CAMK1D: variants seen among roughly 807,000 people sequenced by gnomAD.
CAMK1D encodes the protein calcium/calmodulin-dependent protein kinase type 1D.
A neutral mutation model predicts 47.7 loss-of-function variants in CAMK1D; 9 were observed. The observed-to-expected ratio is 0.19, with a 90% CI of 0.11 to 0.33. The LOEUF is 0.33. Ranked by LOEUF, CAMK1D falls within the 10% of genes least tolerant of loss-of-function variation. The probability of loss-of-function intolerance (pLI) is 1.00; values close to 1 mark genes in which losing one functional copy is unlikely to be tolerated. For missense variants in CAMK1D, 291 were observed against 488.7 expected (o/e 0.60, Z 3.81); for synonymous variants, 184 against 184.9 (o/e 0.99, Z 0.04).
chr10:12,666,846 A>C (rs991434897), intron 3 of CAMK1D, 36 bp downstream of exon 3: 2 of 1,502,662 alleles, frequency 1.3e-6, no homozygotes, highest in African/African-American at 2.8e-5. Context: ...TTTTGAACCA[A>C]CTTGCAAACT....
At chr10:12,734,362 A>C (rs1244751046) in intron 3 of CAMK1D, among the ~76,000 whole-genome samples, 2 of 12,114 alleles carry the variant, frequency 1.7e-4, no homozygotes, top group African/African-American at 5.0e-4. Flanking sequence ...ATATATATAT[A>C]TATATATATA....
At chr10:12,424,447 G>GAC (rs1175632217) in intron 1 of CAMK1D, among the ~76,000 whole-genome samples, 1 of 151,744 alleles carries the variant, frequency 6.6e-6, no homozygotes, top group Non-Finnish European at 1.5e-5. Context: ...TAAATCTCTT[G>GAC]ACCCTACCTA....
At chr10:12,364,665 A>G (rs1343080837) in intron 1 of CAMK1D, among the ~76,000 whole-genome samples, 3 of 152,000 alleles carry the variant, frequency 2.0e-5, no homozygotes, top group Admixed American at 2.0e-4. Flanking sequence ...GTGTTATGGT[A>G]TGGGAAGAGA....
At chr10:12,570,853 G>C (rs558891702) in intron 2 of CAMK1D, among the ~76,000 whole-genome samples, 11 of 152,246 alleles carry the variant, frequency 7.2e-5, no homozygotes, top group African/African-American at 2.4e-4. Flanking sequence ...TCAGGAGGCT[G>C]AGAGAGGAGA....
intron 1 of CAMK1D, among the ~76,000 whole-genome samples, chr10:12,422,830 G>A (rs1041828252): frequency 1.6e-4 from 25 of 151,896 alleles, no homozygotes; most frequent in African/African-American, 6.0e-4. Flanking sequence ...CTGCCACCAT[G>A]CCTGGCTCAT....
chr10:12,564,037 T>G (rs1017788260), intron 2 of CAMK1D, among the ~76,000 whole-genome samples: 2 of 151,872 alleles, frequency 1.3e-5, no homozygotes, highest in African/African-American at 2.4e-5. Context: ...TTATACAGAT[T>G]CCAGTTAAAT....
intron 3 of CAMK1D, among the ~76,000 whole-genome samples, chr10:12,694,107 T>TTTTTTATATTATATTATATAA (rs1833085875): frequency 2.4e-5 from 1 of 41,824 alleles, no homozygotes; most frequent in African/African-American, 8.7e-5. Flanking sequence ...ATATAATATA[T>TTTTTTATATTATATTATATAA]AATATATATT....
chr10:12,641,660 G>A (rs1263334924), intron 2 of CAMK1D, among the ~76,000 whole-genome samples: 1 of 151,938 alleles, frequency 6.6e-6, no homozygotes, highest in African/African-American at 2.4e-5. Context: ...CATTTAAACT[G>A]ATGACAAAGT....
chr10:12,835,090 A>G lies in CAMK1D; in HGVS notation c.*6203A>G, dbSNP rs930372261. On this transcript the variant is annotated 3_prime_UTR_variant, in exon 11 of 11. Transcript: ENST00000619168. ...GGGCGCCATGTTTCAGAGAACATTT[A>G]TCTTAGTCCCACGTTCAGGTGAGAA... is the stretch of plus-strand genomic sequence containing the variant. 1 of 152,226 alleles carries G rather than the reference A, an allele frequency of 6.6e-6. No homozygotes were observed. Among genetic ancestry groups the G allele is most frequent in the Non-Finnish European group, 1.5e-5 (1 of 68,030 alleles). The allele number at this position is 152,226 out of a possible 1,614,324, so 9.4% of individuals were successfully genotyped here. A position where few individuals can be genotyped will look rare whatever the true frequency, so the allele number is the denominator to read the frequency against.
chr10:12,362,863 C>G (rs1588405712), intron 1 of CAMK1D, among the ~76,000 whole-genome samples: 1 of 151,446 alleles, frequency 6.6e-6, no homozygotes, highest in East Asian at 2.0e-4. Flanking sequence ...CCAGGATGGT[C>G]TCAATCTCCT....
intron 3 of CAMK1D, among the ~76,000 whole-genome samples, chr10:12,685,370 T>C (rs2132622714): frequency 6.6e-6 from 1 of 152,318 alleles, no homozygotes; most frequent in South Asian, 2.1e-4. Context: ...GACCTTTAGT[T>C]GTAGATAAGT....
At chr10:12,663,916 G>C (rs1016513418) in intron 2 of CAMK1D, among the ~76,000 whole-genome samples, 77 of 152,224 alleles carry the variant, frequency 5.1e-4, no homozygotes, top group African/African-American at 1.8e-3. Context: ...GATGTGGGAG[G>C]CCAGAATAAT....
chr10:12,761,838 A>G (rs11257973), intron 4 of CAMK1D, among the ~76,000 whole-genome samples: 15,739 of 152,270 alleles, frequency 0.1, 860 homozygotes, highest in South Asian at 0.15. Context: ...GTGAGCCGAG[A>G]TCGCACCACT....
At chr10:12,507,923 C>T (rs529746427) in intron 1 of CAMK1D, among the ~76,000 whole-genome samples, 1 of 152,280 alleles carries the variant, frequency 6.6e-6, no homozygotes, top group Admixed American at 6.5e-5. Context: ...CTCTCTTCCC[C>T]AAGCCTCTAC....
intron 1 of CAMK1D, among the ~76,000 whole-genome samples, chr10:12,350,394 G>A (rs189315442): frequency 6.6e-6 from 1 of 152,244 alleles, no homozygotes; most frequent in Admixed American, 6.5e-5. Flanking sequence ...CACGTACGAG[G>A]TGTAGGCAAG....
chr10:12,657,431 T>TAAATAAATAAATA (rs1299683003), intron 2 of CAMK1D, among the ~76,000 whole-genome samples: 1 of 149,490 alleles, frequency 6.7e-6, no homozygotes, highest in Non-Finnish European at 1.5e-5. Flanking sequence ...CTCATAAAAA[T>TAAATAAATAAATA]AAATAAATAA....
rs192852345 is a variant in CAMK1D, at chr10:12,761,204, A to G, written c.438+118A>G. ...CTCTGATGTAGAGTGGGTGCAGCAG[A>G]TGGTGGGCATTTGTGTACTTTGAGT... On this transcript the variant is annotated intron_variant, in intron 4 of 10. Coordinates refer to ENST00000619168, the MANE Select transcript of CAMK1D (RefSeq NM_153498.4). 7,100 of 1,209,566 alleles carry G rather than the reference A, an allele frequency of 5.9e-3. 49 individuals carry two copies. The highest frequency in any genetic ancestry group is 0.019 in the South Asian group (1,228 of 63,058). 74.9% of individuals were successfully genotyped at this position (1,209,566 alleles called of 1,614,324 possible).
intron 1 of CAMK1D, among the ~76,000 whole-genome samples, chr10:12,532,641 C>G (rs1835846523): frequency 6.6e-6 from 1 of 152,084 alleles, no homozygotes; most frequent in Admixed American, 6.5e-5. Context: ...TATTTGCATT[C>G]CTGTGTTAGT....
At chr10:12,623,124 C>G (rs112812980) in intron 2 of CAMK1D, among the ~76,000 whole-genome samples, 3,857 of 12,514 alleles carry the variant, frequency 0.31, 322 homozygotes, top group South Asian at 0.47. Flanking sequence ...TTCCTTCTTT[C>G]CTTCCTCCCT....
Sources: allele counts gnomAD v4.1 joint callset (sites outside exome capture counted in the v4.1 genomes callset), GRCh38; gene constraint gnomAD v4.1.1; transcripts MANE v1.5; gene names NCBI Gene and HGNC (gene_info 2026-07-23, HGNC 2026-07-21).